SGCZ: variants seen among roughly 807,000 people sequenced by gnomAD.
The protein encoded by SGCZ is zeta-sarcoglycan.
SGCZ carries 40 observed loss-of-function variants against 41.3 expected under a neutral mutation model. The ratio of observed to expected loss-of-function variants is 0.97; its 90% CI spans 0.75 to 1.26. The LOEUF is 1.26. Ranked by LOEUF, SGCZ falls within the 50% of genes most tolerant of loss-of-function variation. SGCZ has a pLI of 0.00. For synonymous variants in SGCZ, 206 were observed against 137.5 expected (o/e 1.50, Z -3.49); for missense variants, 552 against 369.8 (o/e 1.49, Z -4.04).
intron 1 of SGCZ, among the ~76,000 whole-genome samples, chr8:15,027,806 C>A (rs889898516): frequency 1.3e-5 from 2 of 151,890 alleles, no homozygotes; most frequent in Admixed American, 6.6e-5. Flanking sequence ...AAAAAGTACT[C>A]ATAATTTTTT....
chr8:14,448,330 G>T (rs1261222421), intron 2 of SGCZ, among the ~76,000 whole-genome samples: 1 of 152,146 alleles, frequency 6.6e-6, no homozygotes, highest in Admixed American at 6.5e-5. Context: ...GATATCAAGA[G>T]ATCAATTTAA....
At chr8:14,941,376 G>A (rs987600142) in intron 1 of SGCZ, among the ~76,000 whole-genome samples, 1 of 151,988 alleles carries the variant, frequency 6.6e-6, no homozygotes, top group African/African-American at 2.4e-5. Context: ...GAAAGCAAAC[G>A]GGTATATTAA....
intron 1 of SGCZ, among the ~76,000 whole-genome samples, chr8:14,984,412 C>A (rs966622909): frequency 6.6e-6 from 1 of 152,020 alleles, no homozygotes; most frequent in Non-Finnish European, 1.5e-5. Flanking sequence ...TGTTTTAAAC[C>A]AAATAAAAAT....
intron 3 of SGCZ, among the ~76,000 whole-genome samples, chr8:14,296,024 C>T (rs571542799): frequency 6.6e-6 from 1 of 152,058 alleles, no homozygotes; most frequent in Non-Finnish European, 1.5e-5. Context: ...TAAGTTCAGA[C>T]CAGAAGGTGG....
intron 1 of SGCZ, among the ~76,000 whole-genome samples, chr8:14,855,458 T>C (rs1803514766): frequency 6.6e-6 from 1 of 152,106 alleles, no homozygotes; most frequent in South Asian, 2.1e-4. Flanking sequence ...CATTGCCCCA[T>C]TTTACCCTCA....
chr8:14,658,797 G>C (rs1157874802), intron 1 of SGCZ, among the ~76,000 whole-genome samples: 1 of 151,826 alleles, frequency 6.6e-6, no homozygotes, highest in Non-Finnish European at 1.5e-5. Flanking sequence ...AAGGATTTCT[G>C]TCCCCAGAAT....
At chr8:14,924,551 C>T (rs4831316) in intron 1 of SGCZ, among the ~76,000 whole-genome samples, 20,167 of 151,734 alleles carry the variant, frequency 0.13, 2,451 homozygotes, top group African/African-American at 0.32. Flanking sequence ...AAAAAAAGCA[C>T]GCCTTCCTAT....
intron 2 of SGCZ, among the ~76,000 whole-genome samples, chr8:14,342,605 G>A (rs763768763): frequency 2.0e-5 from 3 of 152,230 alleles, no homozygotes; most frequent in East Asian, 1.9e-4. Flanking sequence ...GTGAGCCACC[G>A]CGCCCAGCCT....
intron 3 of SGCZ, among the ~76,000 whole-genome samples, chr8:14,255,053 C>T (rs1012959242): frequency 6.6e-6 from 1 of 152,086 alleles, no homozygotes; most frequent in African/African-American, 2.4e-5. Flanking sequence ...GGGTGGATGT[C>T]CTCTATGTAT....
At chr8:14,289,218 AT>A (rs71209038) in intron 3 of SGCZ, among the ~76,000 whole-genome samples, 158 of 149,570 alleles carry the variant, frequency 1.1e-3, no homozygotes, top group African/African-American at 3.7e-3. Context: ...ACATAGTAGG[AT>A]TTTTTTTTTA....
chr8:14,286,805 C>G lies in SGCZ; in HGVS notation c.336+37298G>C, dbSNP rs190801675. Among the ~76,000 whole-genome samples the G allele has an allele frequency of 1.9e-3, 282 of 152,188 alleles. 2 individuals carry two copies. Among genetic ancestry groups the G allele is most frequent in the Non-Finnish European group, 2.8e-3 (188 of 67,964 alleles). On this transcript the variant is annotated intron_variant, in intron 3 of 7. Coordinates refer to ENST00000382080, the MANE Select transcript of SGCZ (RefSeq NM_139167.4). The stretch of plus-strand genomic sequence containing the variant: ...GAAAGTTTTTAAAGCTGCTAAGATA[C>G]CCATAAAATTGTTTCTAGAAAGATT...
intron 3 of SGCZ, among the ~76,000 whole-genome samples, chr8:14,278,587 T>C (rs1229338802): frequency 1.3e-5 from 2 of 152,272 alleles, no homozygotes; most frequent in Non-Finnish European, 2.9e-5. Context: ...AGATAAAATA[T>C]TGTGAAATAT....
intron 1 of SGCZ, among the ~76,000 whole-genome samples, chr8:14,874,423 A>T (rs1804273022): frequency 6.6e-6 from 1 of 152,108 alleles, no homozygotes; most frequent in African/African-American, 2.4e-5. Context: ...TTTTAACTTT[A>T]TCAAGAAAAT....
chr8:15,007,281 T>A (rs556916979), intron 1 of SGCZ, among the ~76,000 whole-genome samples: 1 of 152,242 alleles, frequency 6.6e-6, no homozygotes, highest in Non-Finnish European at 1.5e-5. Context: ...ATTTTGATAC[T>A]ATGTTACAAA....
Position 14,324,151 on chromosome 8 carries a change from T to C in SGCZ, c.288A>G (p.Ile96Met), listed in dbSNP as rs1802016397. The C allele has an allele frequency of 1.2e-6, 2 of 1,613,122 alleles. No homozygotes were observed. Among genetic ancestry groups the C allele is most frequent in the Admixed American group, 1.7e-5 (1 of 59,956 alleles). ...VTKKGIRLEG[I>M]SEFLLPLYVK... ...CATACAATGGAAGTAGAAACTCAGATATACCTTCAAGTCGGATTCCCTTCT... is the reference window on the plus strand; with the variant it reads ...CATACAATGGAAGTAGAAACTCAGACATACCTTCAAGTCGGATTCCCTTCT... Residue 96 changes from isoleucine to methionine, a missense_variant, in exon 3 of 8, where the codon ATA (isoleucine) becomes ATG (methionine). Coordinates refer to ENST00000382080, the MANE Select transcript of SGCZ (RefSeq NM_139167.4).
chr8:15,090,343 C>G (rs1806112167), intron 1 of SGCZ, among the ~76,000 whole-genome samples: 1 of 152,142 alleles, frequency 6.6e-6, no homozygotes, highest in African/African-American at 2.4e-5. Flanking sequence ...TTAAATCATC[C>G]TGAATATGGT....
At chr8:14,786,914 G>C (rs1164758167) in intron 1 of SGCZ, among the ~76,000 whole-genome samples, 2 of 151,448 alleles carry the variant, frequency 1.3e-5, no homozygotes, top group Non-Finnish European at 2.9e-5. Flanking sequence ...CATGCTGTAT[G>C]ATAAATTAGA....
chr8:14,736,373 C>T (rs926860686), intron 1 of SGCZ, among the ~76,000 whole-genome samples: 5 of 151,916 alleles, frequency 3.3e-5, no homozygotes, highest in South Asian at 2.1e-4. Flanking sequence ...TTTTATTAGT[C>T]GTTAGTTGTT....
At chr8:14,312,593 G>A (rs1316562576) in intron 3 of SGCZ, among the ~76,000 whole-genome samples, 1 of 152,056 alleles carries the variant, frequency 6.6e-6, no homozygotes, top group Non-Finnish European at 1.5e-5. Flanking sequence ...AATAGCCACT[G>A]CACTCTAGCC....
Sources: gnomAD v4.1 joint callset for allele counts (sites outside exome capture counted in the v4.1 genomes callset) on GRCh38, gnomAD v4.1.1 for gene constraint, MANE v1.5 for transcripts, NCBI Gene and HGNC (gene_info 2026-07-23, HGNC 2026-07-21) for gene names.